FAM193A: variants seen among roughly 807,000 people sequenced by gnomAD.
FAM193A encodes the protein protein FAM193A.
In FAM193A, 22 loss-of-function variants were observed where a neutral mutation model predicts 126.5. The observed-to-expected ratio is 0.17, with a 90% CI of 0.12 to 0.25. FAM193A has a LOEUF of 0.25. Ranked by LOEUF, FAM193A falls within the 10% of genes least tolerant of loss-of-function variation. The probability of loss-of-function intolerance (pLI) is 1.00; values close to 1 mark genes in which losing one functional copy is unlikely to be tolerated. For missense variants in FAM193A, 1,675 were observed against 1,672.8 expected (o/e 1.00, Z -0.02); for synonymous variants, 761 against 646.8 (o/e 1.18, Z -2.68).
At chr4:2,689,255 G>T (rs931972682) in intron 13 of FAM193A, among the ~76,000 whole-genome samples, 3 of 152,210 alleles carry the variant, frequency 2.0e-5, no homozygotes, top group African/African-American at 7.2e-5. Context: ...GTTGTCTAAA[G>T]TTTGTTCAGA....
At chr4:2,568,794 T>A (rs1235831080) in intron 1 of FAM193A, among the ~76,000 whole-genome samples, 1 of 152,120 alleles carries the variant, frequency 6.6e-6, no homozygotes, top group African/African-American at 2.4e-5. Context: ...TACAACACAG[T>A]TGATTAGAAA....
chr4:2,550,749 T>C (rs1404310664), intron 1 of FAM193A, among the ~76,000 whole-genome samples: 1 of 151,290 alleles, frequency 6.6e-6, no homozygotes, highest in Admixed American at 6.6e-5. Context: ...GTTTTTTTTG[T>C]TTTTGTTTTT....
At chr4:2,580,662 C>T (rs1236589396) in intron 1 of FAM193A, among the ~76,000 whole-genome samples, 5 of 152,120 alleles carry the variant, frequency 3.3e-5, no homozygotes, top group Admixed American at 3.3e-4. Context: ...CTGGGGCCTC[C>T]CCCCTCTATC....
At chr4:2,538,704 G>A (rs1052698072) in intron 1 of FAM193A, among the ~76,000 whole-genome samples, 2 of 151,804 alleles carry the variant, frequency 1.3e-5, no homozygotes, top group Admixed American at 6.6e-5. Flanking sequence ...GTTTGCCTGT[G>A]CATATCCTTA....
chr4:2,647,827 T>A lies in FAM193A; in HGVS notation c.1311+995T>A, dbSNP rs371926466. ...AGTTTCTCTTTTGCACTTCGGAGACTCTCTGTAGGAAAATGGAACCTGGGC... is the reference window on the plus strand; with the variant it reads ...AGTTTCTCTTTTGCACTTCGGAGACACTCTGTAGGAAAATGGAACCTGGGC... On this transcript the variant is annotated intron_variant, in intron 7 of 20. Coordinates refer to ENST00000637812, the MANE Select transcript of FAM193A (RefSeq NM_001366318.2). 3.3e-4 allele frequency among the ~76,000 whole-genome samples: 50 copies of A among 152,280 alleles called. 1 individual carries two copies. In the East Asian group the frequency reaches 9.3e-3, roughly 28 times the overall value.
At chr4:2,714,011 G>A (rs1178294561) in intron 19 of FAM193A, among the ~76,000 whole-genome samples, 2 of 152,130 alleles carry the variant, frequency 1.3e-5, no homozygotes, top group East Asian at 3.8e-4. Context: ...GATTATTCTA[G>A]TTCTAGTCAG....
At chr4:2,542,814 G>A (rs990234997) in intron 1 of FAM193A, among the ~76,000 whole-genome samples, 2 of 152,158 alleles carry the variant, frequency 1.3e-5, no homozygotes, top group African/African-American at 4.8e-5. Flanking sequence ...ATTTTCAGGA[G>A]TGGTCACAGT....
At position 2,563,834 on chromosome 4, in the gene FAM193A, C is replaced by T. The variant is rs144826267; in HGVS notation, c.255+26664C>T. ...TGTTAGGGAAGGAAAGTATATAGAG[C>T]CTTCACATTCACCAAAATATTTTAA... On this transcript the variant is annotated intron_variant, in intron 1 of 20. Coordinates refer to ENST00000637812, the MANE Select transcript of FAM193A (RefSeq NM_001366318.2). Among the ~76,000 whole-genome samples, 220 of 152,220 alleles carry T rather than the reference C, an allele frequency of 1.4e-3. 1 individual carries two copies. Among genetic ancestry groups the T allele is most frequent in the Middle Eastern group, 0.01 (3 of 294 alleles).
chr4:2,627,438 T>C (rs565566421), intron 4 of FAM193A, among the ~76,000 whole-genome samples: 6 of 88,202 alleles, frequency 6.8e-5, no homozygotes, highest in Admixed American at 1.8e-4. Flanking sequence ...CGTGAGCCAC[T>C]GCGTCCGGCA....
intron 5 of FAM193A, among the ~76,000 whole-genome samples, chr4:2,635,670 T>A (rs1744016233): frequency 6.6e-6 from 1 of 152,082 alleles, no homozygotes; most frequent in African/African-American, 2.4e-5. Context: ...ATAACTGGGA[T>A]TACAGGTGCC....
At chr4:2,697,859 G>A (rs1244498885) in intron 18 of FAM193A, among the ~76,000 whole-genome samples, 1 of 152,178 alleles carries the variant, frequency 6.6e-6, no homozygotes, top group Non-Finnish European at 1.5e-5. Flanking sequence ...GGGTACCCAC[G>A]ATGGTCCAAG....
chr4:2,624,082 C>G (rs542018770), intron 2 of FAM193A, among the ~76,000 whole-genome samples: 1 of 152,120 alleles, frequency 6.6e-6, no homozygotes, highest in South Asian at 2.1e-4. Flanking sequence ...GGTAACTGAG[C>G]GGGAGGAGGA....
At chr4:2,684,617 C>G (rs116535588) in intron 13 of FAM193A, among the ~76,000 whole-genome samples, 1 of 152,272 alleles carries the variant, frequency 6.6e-6, no homozygotes, top group East Asian at 1.9e-4. Flanking sequence ...GTGGATGCTT[C>G]CCTGTGAGGG....
At chr4:2,676,977 A>G (rs1255644718) in intron 13 of FAM193A, among the ~76,000 whole-genome samples, 2 of 152,198 alleles carry the variant, frequency 1.3e-5, no homozygotes, top group South Asian at 2.1e-4. Context: ...CAATTTGTCT[A>G]TTCTTTGTTG....
intron 1 of FAM193A, among the ~76,000 whole-genome samples, chr4:2,594,503 G>T (rs905692994): frequency 2.0e-5 from 3 of 152,176 alleles, no homozygotes; most frequent in Non-Finnish European, 4.4e-5. Context: ...CACCCTACAC[G>T]GCAGGAGAGA....
chr4:2,730,919 A>T (rs1721305716), intron 20 of FAM193A, among the ~76,000 whole-genome samples: 1 of 151,688 alleles, frequency 6.6e-6, no homozygotes, highest in African/African-American at 2.4e-5. Flanking sequence ...AGGTGTGGCC[A>T]GGCACAGTGG....
chr4:2,645,405 C>T (rs1204302079), intron 6 of FAM193A, among the ~76,000 whole-genome samples: 1 of 152,212 alleles, frequency 6.6e-6, no homozygotes, highest in Non-Finnish European at 1.5e-5. Context: ...TCCCAATCGC[C>T]ATCTTGCTCA....
chr4:2,592,659 G>A (rs1247102906), intron 1 of FAM193A, among the ~76,000 whole-genome samples: 2 of 152,208 alleles, frequency 1.3e-5, no homozygotes, highest in Admixed American at 6.5e-5. Context: ...TACCCAGACC[G>A]AGTCTGAGGA....
At chr4:2,715,959 C>A in intron 19 of FAM193A, 64 bp from the exon 20 acceptor site, 2 of 935,686 alleles carry the variant, frequency 2.1e-6, no homozygotes, top group Admixed American at 1.8e-5. Context: ...CAAATGATTT[C>A]TTCCGTTCTG....
Sources: gnomAD v4.1 joint callset for allele counts (sites outside exome capture counted in the v4.1 genomes callset) on GRCh38, gnomAD v4.1.1 for gene constraint, MANE v1.5 for transcripts, NCBI Gene and HGNC (gene_info 2026-07-23, HGNC 2026-07-21) for gene names.